KCNAB1: variants seen among roughly 807,000 people sequenced by gnomAD.
KCNAB1 encodes voltage-gated potassium channel subunit beta-1.
In KCNAB1, 35 loss-of-function variants were observed where a neutral mutation model predicts 64.6. The observed-to-expected ratio is 0.54, with a 90% CI of 0.41 to 0.72. The LOEUF is 0.72. Ranked by LOEUF, KCNAB1 falls within the 30% of genes least tolerant of loss-of-function variation. The pLI is 0.00. For missense variants in KCNAB1, 401 were observed against 512.9 expected (o/e 0.78, Z 2.11); for synonymous variants, 177 against 183.8 (o/e 0.96, Z 0.30).
In KCNAB1 at chr3:156,242,526, C is replaced by G. The variant is rs1275721301; in HGVS notation, c.275+121640C>G. Among the ~76,000 whole-genome samples the G allele has an allele frequency of 2.0e-5, 3 of 152,044 alleles. No individual in the cohort carries two copies. In the East Asian group the frequency reaches 5.8e-4, roughly 29 times the overall value. ...GTATATCCTCTCTCTTGCTTTGTAT[C>G]TCTCTCTTTTATACACTTTTTTTTT... On this transcript the variant is annotated intron_variant, in intron 1 of 13. Transcript: ENST00000490337.
At chr3:156,451,104 C>G (rs1288994942) in intron 2 of KCNAB1, among the ~76,000 whole-genome samples, 1 of 152,160 alleles carries the variant, frequency 6.6e-6, no homozygotes, top group African/African-American at 2.4e-5. Flanking sequence ...GTGAGGACAT[C>G]AGCTCTTTGC....
intron 1 of KCNAB1, among the ~76,000 whole-genome samples, chr3:156,281,100 T>C (rs1719687045): frequency 6.6e-6 from 1 of 150,992 alleles, no homozygotes; most frequent in Non-Finnish European, 1.5e-5. Flanking sequence ...TGGCTGTGGG[T>C]TTGTCATAGA....
intron 1 of KCNAB1, among the ~76,000 whole-genome samples, chr3:156,344,790 A>T (rs774295153): frequency 2.6e-5 from 4 of 152,222 alleles, no homozygotes. Flanking sequence ...AAATGGGATC[A>T]GTTTGTAAGT....
At chr3:156,264,367 A>G (rs1056788012) in intron 1 of KCNAB1, among the ~76,000 whole-genome samples, 1 of 152,010 alleles carries the variant, frequency 6.6e-6, no homozygotes. Context: ...CATTTAGACT[A>G]TGAAGGTTTA....
At chr3:156,309,733 G>A (rs1434764721) in intron 1 of KCNAB1, among the ~76,000 whole-genome samples, 2 of 152,330 alleles carry the variant, frequency 1.3e-5, no homozygotes, top group South Asian at 2.1e-4. Context: ...CTATGCTTAC[G>A]AAAGGAGTGG....
chr3:156,425,494 G>C (rs887413910), intron 2 of KCNAB1, among the ~76,000 whole-genome samples: 1 of 152,110 alleles, frequency 6.6e-6, no homozygotes, highest in Non-Finnish European at 1.5e-5. Flanking sequence ...GCTGTGGCTT[G>C]CCTGTTCTGT....
chr3:156,455,405 A>C (rs1712328079), intron 3 of KCNAB1, among the ~76,000 whole-genome samples: 1 of 152,380 alleles, frequency 6.6e-6, no homozygotes, highest in South Asian at 2.1e-4. Flanking sequence ...GATATTATCA[A>C]AAGGATACAA....
chr3:156,205,924 G>A (rs1056591733), intron 1 of KCNAB1, among the ~76,000 whole-genome samples: 1 of 152,218 alleles, frequency 6.6e-6, no homozygotes, highest in Admixed American at 6.5e-5. Context: ...TAGTCCTGTT[G>A]TTCCTAGAAG....
chr3:156,374,249 A>G (rs938098262), intron 1 of KCNAB1, among the ~76,000 whole-genome samples: 1 of 152,230 alleles, frequency 6.6e-6, no homozygotes, highest in African/African-American at 2.4e-5. Context: ...AAAGAATAGG[A>G]TGAATTTACC....
chr3:156,273,324 T>C (rs1368126536), intron 1 of KCNAB1, among the ~76,000 whole-genome samples: 1 of 152,206 alleles, frequency 6.6e-6, no homozygotes, highest in Non-Finnish European at 1.5e-5. Flanking sequence ...CTAGACTGCC[T>C]TTCAAGTTTA....
In KCNAB1 at chr3:156,514,373, G is replaced by A. The variant is rs377418577; in HGVS notation, c.668G>A (p.Arg223Gln). ...GTTTGACCTTCCACAGAAATTGTCC[G>A]AGCCATGACACATGTGATAAACCAA... is the stretch of plus-strand genomic sequence containing the variant. Reference protein sequence around the residue: ...DSNTPMEEIVRAMTHVINQGM... With the variant: ...DSNTPMEEIVQAMTHVINQGM... The change falls in exon 9 of 14, where the codon CGA (arginine) becomes CAA (glutamine). Residue 223 changes from arginine (R) to glutamine (Q), a missense_variant. By Grantham distance (43) the Arg-to-Gln change is conservative. Transcript: ENST00000490337. 3.7e-6 allele frequency: 6 copies of A among 1,613,558 alleles called. No individual in the cohort carries two copies. The highest frequency in any genetic ancestry group is 1.1e-5 in the South Asian group (1 of 91,044).
chr3:156,196,867 C>G lies in KCNAB1; in HGVS notation c.275+75981C>G, dbSNP rs544942271. On this transcript the variant is annotated intron_variant, in intron 1 of 13. Transcript: ENST00000490337. ...AATAGGAGTGGTGAGAGAGGGCATCCCTGACTTGTGCCAATTTTCAAACGG... is the reference window on the plus strand; with the variant it reads ...AATAGGAGTGGTGAGAGAGGGCATCGCTGACTTGTGCCAATTTTCAAACGG... Among the ~76,000 whole-genome samples the G allele has an allele frequency of 2.0e-5, 3 of 152,280 alleles. No homozygotes were observed. The East Asian group carries it at 5.8e-4, about 29-fold the overall frequency.
intron 1 of KCNAB1, among the ~76,000 whole-genome samples, chr3:156,158,092 G>A (rs1044193187): frequency 2.0e-5 from 3 of 150,914 alleles, no homozygotes; most frequent in Admixed American, 6.6e-5. Context: ...GTGAACCCGG[G>A]AGGCGGAGCT....
At chr3:156,265,305 AT>A (rs1396299761) in intron 1 of KCNAB1, among the ~76,000 whole-genome samples, 3 of 152,152 alleles carry the variant, frequency 2.0e-5, no homozygotes, top group Non-Finnish European at 4.4e-5. Context: ...CACAACTTGC[AT>A]GTTTATAGTT....
At chr3:156,143,128 C>A in intron 1 of KCNAB1, 1 of 1,517,876 alleles carries the variant, frequency 6.6e-7, no homozygotes, top group South Asian at 1.4e-5. Flanking sequence ...TACAGTGAGT[C>A]TTAAAGTTAA....
At chr3:156,220,155 G>T (rs943683200) in intron 1 of KCNAB1, among the ~76,000 whole-genome samples, 3 of 152,062 alleles carry the variant, frequency 2.0e-5, no homozygotes, top group Non-Finnish European at 4.4e-5. Flanking sequence ...CTTTGCTATT[G>T]TGAATAGTGC....
intron 1 of KCNAB1, among the ~76,000 whole-genome samples, chr3:156,194,654 T>A (rs1713779019): frequency 6.6e-6 from 1 of 152,198 alleles, no homozygotes; most frequent in African/African-American, 2.4e-5. Context: ...CCATTATTTT[T>A]TCAATTTTTA....
upstream of KCNAB1, among the ~76,000 whole-genome samples, chr3:156,118,683 G>A (rs1713183529): frequency 1.3e-5 from 2 of 152,348 alleles, no homozygotes; most frequent in African/African-American, 2.4e-5. Flanking sequence ...CCAGAGCAGA[G>A]CTCTTAAACA....
chr3:156,250,833 G>A (rs944371197), intron 1 of KCNAB1, among the ~76,000 whole-genome samples: 1 of 152,204 alleles, frequency 6.6e-6, no homozygotes. Context: ...GCTATCATCA[G>A]GTTAATGCTT....
Sources: gnomAD v4.1 joint callset for allele counts (sites outside exome capture counted in the v4.1 genomes callset) on GRCh38, gnomAD v4.1.1 for gene constraint, MANE v1.5 for transcripts, NCBI Gene and HGNC (gene_info 2026-07-23, HGNC 2026-07-21) for gene names.